The following PDZRN4 variants were observed in gnomAD, a reference collection of about 807,000 sequenced individuals.
The protein encoded by PDZRN4 is PDZ domain containing ring finger 4.
PDZRN4 carries 70 observed loss-of-function variants against 99.0 expected under a neutral mutation model. The observed-to-expected ratio is 0.71, with a 90% CI of 0.58 to 0.86. The LOEUF is 0.86. Among genes scored for constraint, PDZRN4 ranks in the 40% least tolerant of loss-of-function variants. The pLI is 0.00. For synonymous variants in PDZRN4, 551 were observed against 501.6 expected, an observed-to-expected ratio of 1.10 and a Z score of -1.32; for missense variants, 1,474 against 1,331.2, an observed-to-expected ratio of 1.11 and a Z score of -1.67.
At chr12:41,473,127 T>G (rs73278045) in intron 3 of PDZRN4, among the ~76,000 whole-genome samples, 1 of 151,982 alleles carries the variant, frequency 6.6e-6, no homozygotes, top group African/African-American at 2.4e-5. Flanking sequence ...CCTTATGGAA[T>G]AGATAAAATA....
At chr12:41,339,436 G>A (rs1191861865) in intron 3 of PDZRN4, among the ~76,000 whole-genome samples, 1 of 152,034 alleles carries the variant, frequency 6.6e-6, no homozygotes, top group Non-Finnish European at 1.5e-5. Context: ...ATGAAGTAAA[G>A]ATTTAAATCT....
At chr12:41,335,653 GA>G (rs1951767972) in intron 3 of PDZRN4, among the ~76,000 whole-genome samples, 1 of 152,094 alleles carries the variant, frequency 6.6e-6, no homozygotes, top group African/African-American at 2.4e-5. Context: ...TTACAGCACT[GA>G]GAATGAAGAG....
intron 3 of PDZRN4, among the ~76,000 whole-genome samples, chr12:41,215,623 A>T (rs1014784726): frequency 1.3e-5 from 2 of 152,054 alleles, no homozygotes; most frequent in Admixed American, 6.6e-5. Context: ...ATTGTCTGCC[A>T]TGATGATTAC....
chr12:41,214,401 C>A lies in PDZRN4; in HGVS notation c.843+20213C>A, dbSNP rs552061698. Among the ~76,000 whole-genome samples, 3 of 118,558 alleles carry A rather than the reference C, an allele frequency of 2.5e-5. No individual in the cohort carries two copies. The East Asian group carries it at 7.7e-4, about 30-fold the overall frequency. The allele number at this position is 118,558 out of a possible 152,430, so 77.8% of individuals were successfully genotyped here. On this transcript the variant is annotated intron_variant, in intron 3 of 9. Transcript: ENST00000402685. ...ACATGACCACCCCACTGCACTCTAG[C>A]CTGGGCAATAGAAGGAGACCCTGTC...
chr12:41,505,143 G>A (rs191209830), intron 3 of PDZRN4, among the ~76,000 whole-genome samples: 10 of 152,216 alleles, frequency 6.6e-5, no homozygotes, highest in Admixed American at 2.6e-4. Flanking sequence ...TCGAATGTCA[G>A]CAGTTTCTCT....
chr12:41,256,496 A>C (rs1449235306), intron 3 of PDZRN4, among the ~76,000 whole-genome samples: 1 of 152,224 alleles, frequency 6.6e-6, no homozygotes, highest in Non-Finnish European at 1.5e-5. Flanking sequence ...GGAGCAACAT[A>C]TTGATCCCCC....
chr12:41,571,370 TCTCTCTCA>T lies in PDZRN4; in HGVS notation c.1585-992_1585-985del, dbSNP rs747789149. On this transcript the variant is annotated intron_variant, in intron 9 of 9. Coordinates refer to ENST00000402685, the MANE Select transcript of PDZRN4 (RefSeq NM_001164595.2). The stretch of plus-strand genomic sequence containing the variant: ...CTCTCTCTCTCTCTCTCTCTCTCTC[TCTCTCTCA>T]CACACACACACACACACACACACAC... Among the ~76,000 whole-genome samples the T allele has an allele frequency of 9.7e-3, 914 of 94,006 alleles. 1 individual carries two copies. The highest frequency in any genetic ancestry group is 0.014 in the Admixed American group (119 of 8,444). 61.7% of individuals were successfully genotyped at this position (94,006 alleles called of 152,430 possible). A position where few individuals can be genotyped will look rare whatever the true frequency, so the allele number is the denominator to read the frequency against.
intron 3 of PDZRN4, among the ~76,000 whole-genome samples, chr12:41,343,077 A>G (rs1951828849): frequency 6.6e-6 from 1 of 152,012 alleles, no homozygotes; most frequent in African/African-American, 2.4e-5. Flanking sequence ...TTGTGACAAC[A>G]TAGATGGGCC....
intron 3 of PDZRN4, among the ~76,000 whole-genome samples, chr12:41,241,434 A>G (rs1951101232): frequency 6.6e-6 from 1 of 152,240 alleles, no homozygotes; most frequent in Non-Finnish European, 1.5e-5. Flanking sequence ...TGACTTAAAA[A>G]TCAATCCTTA....
chr12:41,468,003 C>T (rs1365671888), intron 3 of PDZRN4, among the ~76,000 whole-genome samples: 1 of 152,118 alleles, frequency 6.6e-6, no homozygotes, highest in Non-Finnish European at 1.5e-5. Context: ...CTACTTAGTG[C>T]CAGGCATTGC....
At chr12:41,410,291 C>T (rs1018251823) in intron 3 of PDZRN4, among the ~76,000 whole-genome samples, 1 of 152,080 alleles carries the variant, frequency 6.6e-6, no homozygotes, top group Non-Finnish European at 1.5e-5. Flanking sequence ...TAAATATTTC[C>T]TAAAAGCTTT....
chr12:41,400,839 A>AC (rs1952284081), intron 3 of PDZRN4, among the ~76,000 whole-genome samples: 1 of 152,190 alleles, frequency 6.6e-6, no homozygotes, highest in Admixed American at 6.5e-5. Flanking sequence ...ACTTCATTCC[A>AC]GGGAAATATA....
intron 7 of PDZRN4, among the ~76,000 whole-genome samples, chr12:41,556,076 A>G (rs1050394344): frequency 2.0e-5 from 3 of 152,354 alleles, no homozygotes; most frequent in South Asian, 4.1e-4. Context: ...TCTTAAAAAA[A>G]TGGTAATAAT....
In PDZRN4 at chr12:41,564,674, C is replaced by A. The variant is rs879636372; in HGVS notation, c.1467+1025C>A. ...TTCTAAATGGTTCTCATAAAGTCTGCCATAGCCTGGGGCAGAGTAAAGTTA... is the reference window on the plus strand; with the variant it reads ...TTCTAAATGGTTCTCATAAAGTCTGACATAGCCTGGGGCAGAGTAAAGTTA... On this transcript the variant is annotated intron_variant, in intron 8 of 9. Coordinates refer to ENST00000402685, the MANE Select transcript of PDZRN4 (RefSeq NM_001164595.2). Among the ~76,000 whole-genome samples, 2 of 151,980 alleles carry A rather than the reference C, an allele frequency of 1.3e-5. 1 individual carries two copies. The highest frequency in any genetic ancestry group is 6.3e-3 in the Middle Eastern group (2 of 316).
At chr12:41,351,980 A>AAAATACAT (rs1951893271) in intron 3 of PDZRN4, among the ~76,000 whole-genome samples, 1 of 142,998 alleles carries the variant, frequency 7.0e-6, no homozygotes, top group African/African-American at 2.6e-5. Context: ...CCATTGTCTC[A>AAAATACAT]AAATAAATAA....
At chr12:41,473,509 C>T (rs1016859054) in intron 3 of PDZRN4, 5 of 152,158 alleles carry the variant, frequency 3.3e-5, no homozygotes, top group Non-Finnish European at 5.9e-5. Flanking sequence ...CCATGGCATC[C>T]CCACTGTATC....
chr12:41,329,919 A>T (rs1951732035), intron 3 of PDZRN4, among the ~76,000 whole-genome samples: 1 of 152,134 alleles, frequency 6.6e-6, no homozygotes, highest in Admixed American at 6.6e-5. Flanking sequence ...CCTCCCCTAT[A>T]ATCTTTTATA....
rs966519404 is a variant in PDZRN4, at chr12:41,191,507, C to T, written c.698C>T (p.Thr233Ile). The part of the protein sequence containing the change: ...FTIVLEREND[T>I]LGFNIIGGRP... Reference sequence around the variant, plus strand: ...ATTGTGTTAGAAAGAGAAAATGACACTTTGGGATTCAATATTATAGGAGGT... The same window carrying T: ...ATTGTGTTAGAAAGAGAAAATGACATTTTGGGATTCAATATTATAGGAGGT... Residue 233 changes from threonine to isoleucine, a missense_variant, in exon 2 of 10, where the codon ACT becomes ATT. By Grantham distance (89) the Thr-to-Ile change is moderately conservative (BLOSUM62 -1). Coordinates refer to ENST00000402685, the MANE Select transcript of PDZRN4 (RefSeq NM_001164595.2). The T allele has an allele frequency of 1.3e-6, 2 of 1,575,400 alleles. No homozygotes were observed. The highest frequency in any genetic ancestry group is 8.6e-7 in the Non-Finnish European group (1 of 1,158,712).
In PDZRN4 at chr12:41,402,276, ACACTGTG is replaced by A. The variant is rs1398541390; in HGVS notation, c.844-104179_844-104173del. Among the ~76,000 whole-genome samples, 2 of 51,808 alleles carry A rather than the reference ACACTGTG, an allele frequency of 3.9e-5. 1 individual carries two copies. The highest frequency in any genetic ancestry group is 6.3e-5 in the Non-Finnish European group (2 of 31,940). 34.0% of individuals were successfully genotyped at this position (51,808 alleles called of 152,430 possible). A position where few individuals can be genotyped will look rare whatever the true frequency, so the allele number is the denominator to read the frequency against. ...ACACTGAGTATATATATATATATAC[ACACTGTG>A]TATATATATATATATACACACAGTG... On this transcript the variant is annotated intron_variant, in intron 3 of 9. Coordinates refer to ENST00000402685, the MANE Select transcript of PDZRN4 (RefSeq NM_001164595.2).
Sources: allele counts gnomAD v4.1 joint callset (sites outside exome capture counted in the v4.1 genomes callset), GRCh38; gene constraint gnomAD v4.1.1; transcripts MANE v1.5; gene names NCBI Gene and HGNC (gene_info 2026-07-23, HGNC 2026-07-21).